DDHD1: variants seen among roughly 807,000 people sequenced by gnomAD.
DDHD1 encodes DDHD domain containing 1.
Under a neutral mutation model 96.4 loss-of-function variants are expected in DDHD1, and 49 were observed. The ratio of observed to expected loss-of-function variants is 0.51; its 90% CI spans 0.40 to 0.64. DDHD1 has a LOEUF of 0.64. DDHD1 is among the 30% of genes least tolerant of loss of function. The pLI is 0.00. For synonymous variants in DDHD1, 442 were observed against 446.5 expected, an observed-to-expected ratio of 0.99 and a Z score of 0.13; for missense variants, 1,106 against 1,161.2, an observed-to-expected ratio of 0.95 and a Z score of 0.69.
intron 1 of DDHD1, among the ~76,000 whole-genome samples, chr14:53,127,162 A>G (rs1465475361): frequency 2.0e-5 from 3 of 152,248 alleles, no homozygotes; most frequent in African/African-American, 7.2e-5. Flanking sequence ...AAAATCATCA[A>G]ACAGGAGGAA....
rs377075088 is a variant in DDHD1, at chr14:53,059,330, C to T, written c.1843-704G>A. Among the ~76,000 whole-genome samples, 24 of 152,088 alleles carry T rather than the reference C, an allele frequency of 1.6e-4. No homozygotes were observed. The East Asian group carries it at 2.0e-3, about 12-fold the overall frequency. Reference sequence around the variant, plus strand: ...TGCGATCTCAGCTCACTGCAAGCTCCGCCTCCTGGGTTCACGCTATTCTCC... The same window carrying T: ...TGCGATCTCAGCTCACTGCAAGCTCTGCCTCCTGGGTTCACGCTATTCTCC... On this transcript the variant is annotated intron_variant, in intron 8 of 12. Coordinates refer to ENST00000673822, the MANE Select transcript of DDHD1 (RefSeq NM_001160148.2).
intron 1 of DDHD1, among the ~76,000 whole-genome samples, chr14:53,121,880 A>G (rs1353406565): frequency 1.3e-5 from 2 of 150,842 alleles, no homozygotes; most frequent in African/African-American, 4.9e-5. Flanking sequence ...ATATACACCT[A>G]TGTAACAAAC....
intron 1 of DDHD1, 143 bp downstream of exon 1, chr14:53,152,118 C>CGG: frequency 2.4e-6 from 2 of 827,386 alleles, no homozygotes; most frequent in Non-Finnish European, 3.5e-6. Flanking sequence ...CCGACGCTCC[C>CGG]TGCTCAATCT....
intron 4 of DDHD1, among the ~76,000 whole-genome samples, chr14:53,079,156 A>G (rs1885223881): frequency 6.6e-6 from 1 of 152,050 alleles, no homozygotes; most frequent in Non-Finnish European, 1.5e-5. Flanking sequence ...ATATTTGTAT[A>G]GTTTTCTTTT....
chr14:53,054,282 A>G (rs1882849212), intron 11 of DDHD1, 156 bp downstream of exon 11: 1 of 608,984 alleles, frequency 1.6e-6, no homozygotes, highest in African/African-American at 1.8e-5. Flanking sequence ...TATTCTTAAA[A>G]ATATAAGCAG....
rs527809125 is a variant in DDHD1 at position 53,054,734 on chromosome 14, A to G, written c.2246-105T>C. 16 of 1,090,474 alleles carry G rather than the reference A, an allele frequency of 1.5e-5. No individual in the cohort carries two copies. The East Asian group carries it at 3.6e-4, about 25-fold the overall frequency. The allele number at this position is 1,090,474 out of a possible 1,614,324, so 67.5% of individuals were successfully genotyped here. On this transcript the variant is annotated intron_variant, in intron 10 of 12. Transcript: ENST00000673822. ...CCAACTGGCAGAGGGACCAAACCCT[A>G]GTCATGTTTTTCCAGGGTGGGAACA...
At chr14:53,140,266 G>C (rs1277876606) in intron 1 of DDHD1, among the ~76,000 whole-genome samples, 2 of 152,190 alleles carry the variant, frequency 1.3e-5, no homozygotes, top group Admixed American at 1.3e-4. Flanking sequence ...TGATGCAGCG[G>C]CTCATGCCTA....
intron 1 of DDHD1, among the ~76,000 whole-genome samples, chr14:53,118,995 T>A (rs1595211868): frequency 6.6e-6 from 1 of 151,936 alleles, no homozygotes; most frequent in Non-Finnish European, 1.5e-5. Flanking sequence ...CAGAAGAGAG[T>A]GGGGGCCAAT....
chr14:53,041,278 A>G lies in DDHD1; in HGVS notation c.*5490T>C, dbSNP rs1295722288. On this transcript the variant is annotated 3_prime_UTR_variant, in exon 13 of 13. Transcript: ENST00000673822. ...ATGTTACATATAAATGAAAAACCATAAGGTAGCAGACAATACTAAGCATGC... is the reference window on the plus strand; with the variant it reads ...ATGTTACATATAAATGAAAAACCATGAGGTAGCAGACAATACTAAGCATGC... 2 of 152,156 alleles carry G rather than the reference A, an allele frequency of 1.3e-5. No individual in the cohort carries two copies. The highest frequency in any genetic ancestry group is 2.4e-5 in the African/African-American group (1 of 41,438). The allele number at this position is 152,156 out of a possible 1,614,324, so 9.4% of individuals were successfully genotyped here. A position where few individuals can be genotyped will look rare whatever the true frequency, so the allele number is the denominator to read the frequency against.
chr14:53,152,812 G>A lies in DDHD1; in HGVS notation c.287C>T (p.Ser96Leu), dbSNP rs778403027. Residue 96 changes from serine (S) to leucine (L), a missense_variant, in exon 1 of 13, where the codon TCG becomes TTG. Physicochemically the swap from Ser to Leu is moderately radical, Grantham distance 145 (BLOSUM62 -2). Around this residue, in one of 2 missense-constraint regions of DDHD1, gnomAD observed 456 missense variants for 402.4 expected, o/e 1.13. Transcript: ENST00000673822. ...DENYDFSSAE[S>L]GSSLRYYSEG... ...GCTGTAGTAGCGCAGCGAGGAGCCC[G>A]ACTCGGCGGAGCTGAAGTCATAGTT... 6.2e-7 allele frequency: 1 copy of A among 1,611,236 alleles called. No homozygotes were observed. The highest frequency in any genetic ancestry group is 8.5e-7 in the Non-Finnish European group (1 of 1,179,262).
intron 6 of DDHD1, among the ~76,000 whole-genome samples, chr14:53,065,182 C>T (rs949648101): frequency 1.3e-5 from 2 of 151,934 alleles, no homozygotes; most frequent in East Asian, 3.9e-4. Flanking sequence ...TTAAAATTTA[C>T]GAAGGAAATG....
chr14:53,093,393 T>C lies in DDHD1; in HGVS notation c.1064A>G (p.Asp355Gly). The C allele has an allele frequency of 1.2e-6, 2 of 1,613,136 alleles. No individual in the cohort carries two copies. The highest frequency in any genetic ancestry group is 1.7e-6 in the Non-Finnish European group (2 of 1,179,682). ...SRNHVDWHSV[D>G]EVYLYSDATT... Reference sequence around the variant, plus strand: ...TGCATCACTATAAAGATATACTTCATCCACACTGTGCCAGTCCACATGGTT... The same window carrying C: ...TGCATCACTATAAAGATATACTTCACCCACACTGTGCCAGTCCACATGGTT... Residue 355 changes from aspartate (D) to glycine (G), a missense_variant, in exon 3 of 13, where the codon GAT (aspartate) becomes GGT (glycine). Physicochemically the swap from Asp to Gly is moderately conservative, Grantham distance 94 (BLOSUM62 -1). This residue lies in a region of DDHD1 where 650 missense variants were observed against 758.8 expected (regional missense o/e 0.86). Coordinates refer to ENST00000673822, the MANE Select transcript of DDHD1 (RefSeq NM_001160148.2).
intron 8 of DDHD1, among the ~76,000 whole-genome samples, chr14:53,059,243 C>CATTT (rs1883322668): frequency 6.6e-6 from 1 of 151,896 alleles, no homozygotes; most frequent in Non-Finnish European, 1.5e-5. Flanking sequence ...TATTTTATTT[C>CATTT]ATTTATTTAT....
At chr14:53,057,368 C>T (rs1201161471) in intron 9 of DDHD1, among the ~76,000 whole-genome samples, 1 of 152,026 alleles carries the variant, frequency 6.6e-6, no homozygotes, top group South Asian at 2.1e-4. Context: ...TGGCATTACA[C>T]TGTTTAACAG....
chr14:53,063,733 A>C (rs1883793446), intron 6 of DDHD1, among the ~76,000 whole-genome samples: 1 of 152,050 alleles, frequency 6.6e-6, no homozygotes, highest in Non-Finnish European at 1.5e-5. Flanking sequence ...GAAAAAACAA[A>C]AGTTGATCTA....
chr14:53,087,037 C>A (rs185339627), intron 4 of DDHD1, among the ~76,000 whole-genome samples: 1 of 139,876 alleles, frequency 7.1e-6, no homozygotes, highest in Non-Finnish European at 1.5e-5. Context: ...AGACTTTAAA[C>A]CAACAAAGAT....
At chr14:53,127,731 GAC>G (rs1279540297) in intron 1 of DDHD1, among the ~76,000 whole-genome samples, 2 of 152,218 alleles carry the variant, frequency 1.3e-5, no homozygotes, top group Non-Finnish European at 2.9e-5. Context: ...GATCGCTACA[GAC>G]ACACAATGAC....
rs1267965114 is a variant in DDHD1, at chr14:53,152,232, TCCTGCCCTAACC to T, written c.838+17_838+28del. The T allele has an allele frequency of 6.4e-7, 1 of 1,564,444 alleles. No individual in the cohort carries two copies. The highest frequency in any genetic ancestry group is 1.8e-5 in the Admixed American group (1 of 56,220). On this transcript the variant is annotated intron_variant, in intron 1 of 12. Coordinates refer to ENST00000673822, the MANE Select transcript of DDHD1 (RefSeq NM_001160148.2). ...CATCGGCCCATGCAGGGGCAGCCCG[TCCTGCCCTAACC>T]CCGGCCCGCTACTCACGGTTCCAGT...
intron 1 of DDHD1, among the ~76,000 whole-genome samples, chr14:53,150,669 C>T (rs933023426): frequency 1.3e-5 from 2 of 152,166 alleles, no homozygotes; most frequent in Non-Finnish European, 2.9e-5. Context: ...TCTGACTCCA[C>T]TAAGTCTTGG....
Sources: allele counts gnomAD v4.1 joint callset (sites outside exome capture counted in the v4.1 genomes callset), GRCh38; gene constraint gnomAD v4.1.1; regional missense constraint gnomAD v4.1.1; transcripts MANE v1.5; gene names NCBI Gene and HGNC (gene_info 2026-07-23, HGNC 2026-07-21).